The following ZCCHC14 variants were observed in gnomAD, a reference collection of about 807,000 sequenced individuals.
The protein encoded by ZCCHC14 is zinc finger CCHC-type containing 14.
In ZCCHC14, 16 loss-of-function variants were observed where a neutral mutation model predicts 85.0. The ratio of observed to expected loss-of-function variants is 0.19; its 90% confidence interval spans 0.13 to 0.29. The LOEUF is 0.29. ZCCHC14 is among the 10% of genes least tolerant of loss of function. The pLI, the probability that ZCCHC14 is intolerant of heterozygous loss-of-function variation, is 1.00. For synonymous variants in ZCCHC14, 775 were observed against 630.7 expected (o/e 1.23, Z -3.43); for missense variants, 1,303 against 1,443.5 (o/e 0.90, Z 1.58).
rs550156938 is a variant in ZCCHC14, at chr16:87,431,342, G to A, written c.768+1786C>T. ...CAAAAAATTAGCTGGGCATGGTGGC[G>A]GGCACCTGTAGTCCCAGCTACTCAG... On this transcript the variant is annotated intron_variant, in intron 3 of 12. Transcript: ENST00000671377. Among the ~76,000 whole-genome samples, 7 of 151,618 alleles carry A rather than the reference G, an allele frequency of 4.6e-5. No individual in the cohort carries two copies. In the South Asian group the frequency reaches 1.5e-3, roughly 32 times the overall value.
intron 3 of ZCCHC14, among the ~76,000 whole-genome samples, chr16:87,424,975 G>A (rs992935202): frequency 6.6e-6 from 1 of 152,096 alleles, no homozygotes; most frequent in African/African-American, 2.4e-5. Flanking sequence ...AGAGCTCACA[G>A]GCACCCAAAC....
At chr16:87,485,726 G>C (rs939461500) in intron 1 of ZCCHC14, among the ~76,000 whole-genome samples, 1 of 151,904 alleles carries the variant, frequency 6.6e-6, no homozygotes, top group African/African-American at 2.4e-5. Context: ...AACAAACAAA[G>C]ATGCCCCAGC....
At chr16:87,483,104 A>G (rs1227584874) in intron 1 of ZCCHC14, among the ~76,000 whole-genome samples, 3 of 151,980 alleles carry the variant, frequency 2.0e-5, no homozygotes, top group Admixed American at 1.3e-4. Flanking sequence ...AAAAACCCAG[A>G]AAACAAATAC....
rs1767230519 is a variant in ZCCHC14 at position 87,491,096 on chromosome 16, G to A, written c.570+573C>T. On this transcript the variant is annotated intron_variant, in intron 1 of 12. Transcript: ENST00000671377. The surrounding 1 kb of genome is among the most constrained non-coding windows in gnomAD (Gnocchi z 5.9). The stretch of plus-strand genomic sequence containing the variant: ...CAAGGCGCCGCAATGTGTGTTATCT[G>A]TCACCCAAGGGCCCCATTAAGGGGA... 6.6e-6 allele frequency among the ~76,000 whole-genome samples: 1 copy of A among 152,250 alleles called. No individual in the cohort carries two copies. Among genetic ancestry groups the A allele is most frequent in the African/African-American group, 2.4e-5 (1 of 41,464 alleles).
chr16:87,414,635 C>A (rs1047917825), intron 9 of ZCCHC14, 94 bp from the exon 10 acceptor site: 1 of 1,485,284 alleles, frequency 6.7e-7, no homozygotes. Context: ...CACCACAGGG[C>A]GGCTTTGATA....
intron 2 of ZCCHC14, among the ~76,000 whole-genome samples, chr16:87,440,517 A>G (rs1910132639): frequency 6.6e-6 from 1 of 152,174 alleles, no homozygotes; most frequent in South Asian, 2.1e-4. Flanking sequence ...CAGAATTTGT[A>G]ACATGTTTCA....
intron 1 of ZCCHC14, among the ~76,000 whole-genome samples, chr16:87,469,815 C>T (rs969289821): frequency 6.6e-6 from 1 of 152,188 alleles, no homozygotes; most frequent in Non-Finnish European, 1.5e-5. Context: ...GTGGGCAGCA[C>T]ACCCCCAGAA....
At chr16:87,411,305 G>C in intron 12 of ZCCHC14, 7 of 1,418,776 alleles carry the variant, frequency 4.9e-6, no homozygotes, top group Non-Finnish European at 5.6e-6. Context: ...TAGAACCAGA[G>C]GCTGTCTGAA....
intron 1 of ZCCHC14, among the ~76,000 whole-genome samples, chr16:87,466,075 T>C (rs1030184082): frequency 2.0e-5 from 3 of 152,172 alleles, no homozygotes; most frequent in Non-Finnish European, 4.4e-5. Context: ...GAGCTGACGC[T>C]GGCTGCAGGT....
At chr16:87,436,712 C>A (rs1909941185) in intron 2 of ZCCHC14, among the ~76,000 whole-genome samples, 2 of 152,062 alleles carry the variant, frequency 1.3e-5, no homozygotes, top group Admixed American at 1.3e-4. Flanking sequence ...TGCACACGTA[C>A]CCCAGAACTT....
intron 3 of ZCCHC14, among the ~76,000 whole-genome samples, chr16:87,428,271 A>G (rs1909475773): frequency 6.6e-6 from 1 of 152,204 alleles, no homozygotes; most frequent in Non-Finnish European, 1.5e-5. Flanking sequence ...CAGGCTGAGA[A>G]AATCAGTGGG....
chr16:87,442,792 C>G (rs1910248757), intron 2 of ZCCHC14, among the ~76,000 whole-genome samples: 1 of 152,182 alleles, frequency 6.6e-6, no homozygotes, highest in Non-Finnish European at 1.5e-5. Flanking sequence ...TAGGAGAAAA[C>G]CATTCAAATG....
At chr16:87,424,213 C>T (rs1909250220) in intron 3 of ZCCHC14, among the ~76,000 whole-genome samples, 1 of 152,220 alleles carries the variant, frequency 6.6e-6, no homozygotes, top group Admixed American at 6.5e-5. Context: ...AGGGGACCTC[C>T]TCTTCTTAAG....
Position 87,409,567 on chromosome 16 carries a change from GATTT to G in ZCCHC14, c.*709_*712del, listed in dbSNP as rs770404403. 4 of 152,484 alleles carry G rather than the reference GATTT, an allele frequency of 2.6e-5. No individual in the cohort carries two copies. Among genetic ancestry groups the G allele is most frequent in the African/African-American group, 4.8e-5 (2 of 41,466 alleles). 9.4% of individuals were successfully genotyped at this position (152,484 alleles called of 1,614,324 possible). A position where few individuals can be genotyped will look rare whatever the true frequency, so the allele number is the denominator to read the frequency against. On this transcript the variant is annotated 3_prime_UTR_variant, in exon 13 of 13. Transcript: ENST00000671377. ...TATTTCTATTTAATAACGTAGTTTA[GATTT>G]ATTTGCAGAAAAAAATTAAAAACCT...
intron 1 of ZCCHC14, among the ~76,000 whole-genome samples, chr16:87,469,242 G>A (rs1476830840): frequency 6.6e-6 from 1 of 152,166 alleles, no homozygotes; most frequent in African/African-American, 2.4e-5. Context: ...TTCTTCCCAA[G>A]TATCCATTAT....
At position 87,408,337 on chromosome 16, in the gene ZCCHC14, G is replaced by C. The variant is rs996388021; in HGVS notation, c.*1943C>G. 5 of 152,298 alleles carry C rather than the reference G, an allele frequency of 3.3e-5. No individual in the cohort carries two copies. The highest frequency in any genetic ancestry group is 1.2e-4 in the African/African-American group (5 of 41,374). The allele number at this position is 152,298 out of a possible 1,614,324, so 9.4% of individuals were successfully genotyped here. ...AAAAACCAAAAAATTTAAAAGTTTGGCTTTCAGCACATATCCAGGCCACTG... is the reference window on the plus strand; with the variant it reads ...AAAAACCAAAAAATTTAAAAGTTTGCCTTTCAGCACATATCCAGGCCACTG... On this transcript the variant is annotated 3_prime_UTR_variant, in exon 13 of 13. Transcript: ENST00000671377.
chr16:87,473,614 T>C (rs1164920820), intron 1 of ZCCHC14: 1 of 152,250 alleles, frequency 6.6e-6, no homozygotes, highest in Non-Finnish European at 1.5e-5. Context: ...GCTGGCTAAA[T>C]GTCTAATCAC....
chr16:87,418,628 T>A (rs1908923129), intron 7 of ZCCHC14, among the ~76,000 whole-genome samples: 1 of 152,220 alleles, frequency 6.6e-6, no homozygotes, highest in Non-Finnish European at 1.5e-5. Flanking sequence ...CCCAGGACCT[T>A]GCACTGGGGA....
chr16:87,433,359 G>C (rs775582595), intron 2 of ZCCHC14, among the ~76,000 whole-genome samples, 158 bp from the exon 3 acceptor site: 1 of 152,212 alleles, frequency 6.6e-6, no homozygotes, highest in African/African-American at 2.4e-5. Flanking sequence ...AGAGCCCAGA[G>C]AGGAAGGCGG....
Sources: gnomAD v4.1 joint callset for allele counts (sites outside exome capture counted in the v4.1 genomes callset) on GRCh38, gnomAD v4.1.1 for gene constraint, Gnocchi (gnomAD v3.1) non-coding constraint, MANE v1.5 for transcripts, NCBI Gene and HGNC (gene_info 2026-07-23, HGNC 2026-07-21) for gene names.